Variants in KCNIP1 observed in about 807,000 individuals in gnomAD.
KCNIP1 encodes the protein A-type potassium channel modulatory protein KCNIP1.
KCNIP1 carries 18 observed loss-of-function variants against 33.0 expected under a neutral mutation model. That is an observed-to-expected ratio of 0.55 (90% confidence interval 0.38 to 0.81). The LOEUF is 0.81. KCNIP1 is among the 30% of genes least tolerant of loss of function. The pLI is 0.00. For synonymous variants in KCNIP1, 93 were observed against 98.3 expected (o/e 0.95, Z 0.32); for missense variants, 238 against 271.6 (o/e 0.88, Z 0.87).
upstream of KCNIP1, among the ~76,000 whole-genome samples, chr5:170,502,809 T>C (rs928644681): frequency 3.9e-5 from 6 of 152,030 alleles, no homozygotes; most frequent in East Asian, 7.7e-4. Flanking sequence ...TCAATCAAAA[T>C]GGGTCTCAGT....
chr5:170,371,754 A>G (rs970755481), intron 1 of KCNIP1, among the ~76,000 whole-genome samples: 2 of 152,232 alleles, frequency 1.3e-5, no homozygotes, highest in African/African-American at 4.8e-5. Context: ...ACAGCAAGTG[A>G]TCAGCTAAAT....
intron 1 of KCNIP1, among the ~76,000 whole-genome samples, chr5:170,491,291 T>A (rs1757201657): frequency 6.6e-6 from 1 of 152,152 alleles, no homozygotes; most frequent in Admixed American, 6.5e-5. Flanking sequence ...GAAGAATGAA[T>A]GAATGAATGC....
chr5:170,415,187 G>A (rs1264232233), intron 1 of KCNIP1, among the ~76,000 whole-genome samples: 1 of 152,130 alleles, frequency 6.6e-6, no homozygotes. Flanking sequence ...CTGAGTGAGG[G>A]GATGGGGCTG....
At chr5:170,516,479 A>G (rs1451235998) in intron 1 of KCNIP1, among the ~76,000 whole-genome samples, 1 of 152,204 alleles carries the variant, frequency 6.6e-6, no homozygotes, top group Non-Finnish European at 1.5e-5. Context: ...ACTTGAACTG[A>G]TATTTCACAG....
intron 1 of KCNIP1, among the ~76,000 whole-genome samples, chr5:170,354,901 G>A (rs1763304492): frequency 6.6e-6 from 1 of 152,192 alleles, no homozygotes; most frequent in South Asian, 2.1e-4. Context: ...AAGAGTCTTT[G>A]GGGGCTGGGG....
intron 1 of KCNIP1, among the ~76,000 whole-genome samples, chr5:170,619,207 T>C (rs1342876504): frequency 6.6e-6 from 1 of 152,206 alleles, no homozygotes; most frequent in Non-Finnish European, 1.5e-5. Flanking sequence ...ACAGATGGCA[T>C]GCCATCTTCC....
At chr5:170,717,930 G>A (rs1046379246) in intron 1 of KCNIP1, among the ~76,000 whole-genome samples, 1 of 152,202 alleles carries the variant, frequency 6.6e-6, no homozygotes, top group East Asian at 1.9e-4. Flanking sequence ...CATTCTGGCA[G>A]GGCCCAAAGG....
chr5:170,682,784 C>CTTTGTTTTTTTTTTTTTTT (rs1762396344), intron 1 of KCNIP1, among the ~76,000 whole-genome samples: 1 of 71,404 alleles, frequency 1.4e-5, no homozygotes, highest in Non-Finnish European at 2.4e-5. Context: ...TTCTTTGTTT[C>CTTTGTTTTTTTTTTTTTTT]TTTTTTTTTT....
At chr5:170,456,804 G>A (rs923261694) in intron 1 of KCNIP1, among the ~76,000 whole-genome samples, 3 of 151,518 alleles carry the variant, frequency 2.0e-5, no homozygotes, top group Admixed American at 6.6e-5. Context: ...CTGCAGCCTC[G>A]ATCTCCTGGA....
At position 170,356,917 on chromosome 5, in the gene KCNIP1, G is replaced by A. The variant is rs115559145; in HGVS notation, c.88+2953G>A. Among the ~76,000 whole-genome samples, 495 of 152,210 alleles carry A rather than the reference G, an allele frequency of 3.3e-3. 3 individuals carry two copies. The highest frequency in any genetic ancestry group is 0.011 in the African/African-American group (470 of 41,516). On this transcript the variant is annotated intron_variant, in intron 1 of 7. Coordinates refer to the KCNIP1 transcript ENST00000377360. ...TTAGCTGCAGCAAGCTGAGTCTGCAGCCTCCAGCCTCCAGCCTGCGTGAGC... is the reference window on the plus strand; with the variant it reads ...TTAGCTGCAGCAAGCTGAGTCTGCAACCTCCAGCCTCCAGCCTGCGTGAGC...
At chr5:170,566,485 G>T (rs539821740) in intron 1 of KCNIP1, among the ~76,000 whole-genome samples, 1 of 152,316 alleles carries the variant, frequency 6.6e-6, no homozygotes, top group East Asian at 1.9e-4. Context: ...TCAGTGACTT[G>T]TCCAAGGTCA....
intron 1 of KCNIP1, among the ~76,000 whole-genome samples, chr5:170,694,593 C>T (rs1762830269): frequency 6.6e-6 from 1 of 152,144 alleles, no homozygotes; most frequent in South Asian, 2.1e-4. Context: ...GACTAATAGC[C>T]AAGCACTAAT....
chr5:170,721,608 T>G lies in KCNIP1; in HGVS notation c.257-225T>G, dbSNP rs545962478. On this transcript the variant is annotated intron_variant, in intron 3 of 7. Transcript: ENST00000328939. ...GACAGGCAGGAGAATGGTTTTCTCA[T>G]GATGGCTAGAGGGAGGGGCAAGGGC... 31 of 778,510 alleles carry G rather than the reference T, an allele frequency of 4.0e-5. 1 individual carries two copies. The highest frequency in any genetic ancestry group is 4.0e-4 in the African/African-American group (23 of 57,836). 48.2% of individuals were successfully genotyped at this position (778,510 alleles called of 1,614,324 possible).
At chr5:170,735,362 CTT>C (rs1764349714) in intron 7 of KCNIP1, among the ~76,000 whole-genome samples, 1 of 152,084 alleles carries the variant, frequency 6.6e-6, no homozygotes, top group Non-Finnish European at 1.5e-5. Flanking sequence ...AAAAATATGA[CTT>C]ATCAAAATTT....
intron 1 of KCNIP1, among the ~76,000 whole-genome samples, chr5:170,518,555 T>C (rs1755239186): frequency 6.6e-6 from 1 of 152,256 alleles, no homozygotes; most frequent in Admixed American, 6.5e-5. Flanking sequence ...GCTGTTCTCT[T>C]GGATGAACTC....
intron 1 of KCNIP1, among the ~76,000 whole-genome samples, chr5:170,452,826 G>A (rs1259089505): frequency 6.6e-6 from 1 of 152,284 alleles, no homozygotes; most frequent in East Asian, 1.9e-4. Context: ...CGACAACAGA[G>A]GAAACAGCGT....
At chr5:170,451,011 C>T (rs933637404) in intron 1 of KCNIP1, among the ~76,000 whole-genome samples, 4 of 152,072 alleles carry the variant, frequency 2.6e-5, no homozygotes, top group Admixed American at 1.3e-4. Flanking sequence ...GGATCACAAC[C>T]TTGAAAAAGT....
In KCNIP1 at chr5:170,408,174, G is replaced by A. The variant is rs142500800; in HGVS notation, c.88+54210G>A. ...TTGAAATCCCACAGTAGTCAATAGT[G>A]GATGGCATTAATTGGAGGAGGGAAT... On this transcript the variant is annotated intron_variant, in intron 1 of 7. Transcript: ENST00000377360. 4.5e-4 allele frequency among the ~76,000 whole-genome samples: 68 copies of A among 152,312 alleles called. No individual in the cohort carries two copies. The East Asian group carries it at 0.013, about 29-fold the overall frequency.
At chr5:170,655,011 A>C (rs1010735025) in intron 1 of KCNIP1, among the ~76,000 whole-genome samples, 15 of 152,230 alleles carry the variant, frequency 9.9e-5, no homozygotes, top group African/African-American at 3.4e-4. Flanking sequence ...CCACTTATAA[A>C]AATAAGGATC....
Sources: gnomAD v4.1 joint callset for allele counts (sites outside exome capture counted in the v4.1 genomes callset) on GRCh38, gnomAD v4.1.1 for gene constraint, MANE v1.5 for transcripts, NCBI Gene and HGNC (gene_info 2026-07-23, HGNC 2026-07-21) for gene names.